NCOA5: variants seen among roughly 807,000 people sequenced by gnomAD.
The protein encoded by NCOA5 is NCoA-5.
Under a neutral mutation model 59.0 loss-of-function variants are expected in NCOA5, and 12 were observed. The observed-to-expected ratio is 0.20, with a 90% CI of 0.13 to 0.33. NCOA5 has a LOEUF of 0.33. Among genes scored for constraint, NCOA5 ranks in the 10% least tolerant of loss-of-function variants. The pLI is 1.00. For missense variants in NCOA5, 655 were observed against 766.6 expected (o/e 0.85, Z 1.72); for synonymous variants, 270 against 275.5 (o/e 0.98, Z 0.20).
At chr20:46,088,671 T>A (rs879793319) in intron 1 of NCOA5, among the ~76,000 whole-genome samples, 1 of 152,248 alleles carries the variant, frequency 6.6e-6, no homozygotes, top group African/African-American at 2.4e-5. Flanking sequence ...TCCCTGGGAC[T>A]AACACTTTTA....
intron 1 of NCOA5, among the ~76,000 whole-genome samples, chr20:46,085,845 C>G (rs1016267776): frequency 1.3e-5 from 2 of 152,012 alleles, no homozygotes; most frequent in Non-Finnish European, 2.9e-5. Flanking sequence ...GCCAAATTAA[C>G]GAAACTTTAT....
chr20:46,075,614 C>G (rs1378586902), intron 2 of NCOA5, among the ~76,000 whole-genome samples: 1 of 152,150 alleles, frequency 6.6e-6, no homozygotes, highest in Non-Finnish European at 1.5e-5. Context: ...TTAAGTCATT[C>G]AGAAGTACAG....
chr20:46,077,538 T>C (rs770179097), intron 2 of NCOA5, among the ~76,000 whole-genome samples: 33 of 152,342 alleles, frequency 2.2e-4, no homozygotes, highest in Non-Finnish European at 4.0e-4. Context: ...TTTGTTGTTG[T>C]TGTTTTTGCC....
chr20:46,070,329 C>T lies in NCOA5; in HGVS notation c.246G>A (p.Arg82=), dbSNP rs2084868565. The change falls in exon 3 of 8, where the codon CGG becomes CGA. Residue 82 remains arginine (R), a synonymous_variant. Transcript: ENST00000290231. ...HRDSRSVRDV[R]DVRDLRDFRD... ...GAAAGTCTCTAAGATCCCTCACGTC[C>T]CGAACGTCGCGCACACTCCTGCTGT... is the stretch of plus-strand genomic sequence containing the variant. 1.2e-6 allele frequency: 2 copies of T among 1,613,750 alleles called. No homozygotes were observed. Among genetic ancestry groups the T allele is most frequent in the Non-Finnish European group, 1.7e-6 (2 of 1,179,976 alleles).
chr20:46,070,081 C>A lies in NCOA5; in HGVS notation c.365+129G>T, dbSNP rs149587988. On this transcript the variant is annotated intron_variant, in intron 3 of 7. Transcript: ENST00000290231. ...CAAAATTTATTGAGCAGCAGCACAT[C>A]TATCACTTGACAGTCACCAGAAATA... 6.4e-4 allele frequency: 452 copies of A among 705,328 alleles called. 1 individual carries two copies. Among genetic ancestry groups the A allele is most frequent in the Non-Finnish European group, 8.8e-4 (378 of 430,396 alleles). 43.7% of individuals were successfully genotyped at this position (705,328 alleles called of 1,614,324 possible).
chr20:46,062,838 G>A lies in NCOA5; in HGVS notation c.1202C>T (p.Thr401Ile). 2 of 1,532,508 alleles carry A rather than the reference G, an allele frequency of 1.3e-6. No individual in the cohort carries two copies. The highest frequency in any genetic ancestry group is 2.1e-5 in the Admixed American group (1 of 47,696). 94.9% of individuals were successfully genotyped at this position (1,532,508 alleles called of 1,614,324 possible). A position where few individuals can be genotyped will look rare whatever the true frequency, so the allele number is the denominator to read the frequency against. Residue 401 changes from threonine to isoleucine, a missense_variant, in exon 8 of 8, where the codon ACA becomes ATA. Around this residue, in one of 3 missense-constraint regions of NCOA5, gnomAD observed 325 missense variants for 353.2 expected, o/e 0.92. Coordinates refer to ENST00000290231, the MANE Select transcript of NCOA5 (RefSeq NM_020967.3). ...CTGGAGCGGTTGGGAGCTTGGCTGT[G>A]TCTTCAGCGAGGCACCCGAGGTCGC... ...LGATSGASLK[T>I]QPSSQPLQSG...
chr20:46,069,572 T>C (rs904544722), intron 3 of NCOA5, among the ~76,000 whole-genome samples: 1 of 152,080 alleles, frequency 6.6e-6, no homozygotes, highest in Non-Finnish European at 1.5e-5. Flanking sequence ...TCCACGTCTA[T>C]ACAAAAAAAT....
intron 1 of NCOA5, among the ~76,000 whole-genome samples, chr20:46,080,343 T>C (rs1041243194): frequency 3.3e-5 from 5 of 152,166 alleles, no homozygotes; most frequent in Admixed American, 2.6e-4. Context: ...TTCATATGAC[T>C]TAAAGCTAAA....
At position 46,082,201 on chromosome 20, in the gene NCOA5, A is replaced by T. The variant is rs2084999079; in HGVS notation, c.-29-2748T>A. On this transcript the variant is annotated intron_variant, in intron 1 of 7. Coordinates refer to ENST00000290231, the MANE Select transcript of NCOA5 (RefSeq NM_020967.3). ...ATGTAGGAAATGACAGAACTGTTTT[A>T]AACCACAAAAGAATGGGGTGAAGAA... 3.3e-5 allele frequency among the ~76,000 whole-genome samples: 5 copies of T among 152,336 alleles called. No homozygotes were observed. The South Asian group carries it at 1.0e-3, about 32-fold the overall frequency.
intron 2 of NCOA5, among the ~76,000 whole-genome samples, chr20:46,070,909 C>T (rs1049378667): frequency 6.6e-6 from 1 of 151,884 alleles, no homozygotes; most frequent in Non-Finnish European, 1.5e-5. Flanking sequence ...AAAAAAAGAG[C>T]GAATGGCACA....
At chr20:46,082,412 A>T (rs369098104) in intron 1 of NCOA5, among the ~76,000 whole-genome samples, 6 of 152,302 alleles carry the variant, frequency 3.9e-5, no homozygotes, top group East Asian at 1.9e-4. Flanking sequence ...CAGATGGGGA[A>T]CTCTGGTTGG....
chr20:46,068,733 A>C (rs1025713622), intron 3 of NCOA5, 95 bp from the exon 4 acceptor site: 3 of 1,230,218 alleles, frequency 2.4e-6, no homozygotes, highest in Middle Eastern at 2.2e-4. Context: ...AATGAGGTTT[A>C]TATCTGGGAC....
chr20:46,087,385 A>T (rs1461926540), intron 1 of NCOA5, among the ~76,000 whole-genome samples: 1 of 152,256 alleles, frequency 6.6e-6, no homozygotes, highest in African/African-American at 2.4e-5. Flanking sequence ...ATAAACATGG[A>T]CTGCTTGCAA....
chr20:46,082,954 G>A (rs1017916723), intron 1 of NCOA5, among the ~76,000 whole-genome samples: 1 of 152,136 alleles, frequency 6.6e-6, no homozygotes, highest in Non-Finnish European at 1.5e-5. Context: ...CTTGGATAAT[G>A]CTATAAATAA....
chr20:46,074,246 A>T (rs528951273), intron 2 of NCOA5, among the ~76,000 whole-genome samples: 19 of 152,322 alleles, frequency 1.2e-4, no homozygotes, highest in African/African-American at 4.3e-4. Flanking sequence ...ACAAGACTAC[A>T]GCTAACAAAA....
intron 6 of NCOA5, among the ~76,000 whole-genome samples, chr20:46,064,116 C>G (rs1337739545): frequency 6.6e-6 from 1 of 152,126 alleles, no homozygotes; most frequent in Admixed American, 6.5e-5. Context: ...TTTTTTAATT[C>G]ATCAGTTCAA....
intron 3 of NCOA5, among the ~76,000 whole-genome samples, chr20:46,069,465 G>A (rs1171346600): frequency 6.6e-6 from 1 of 152,130 alleles, no homozygotes. Flanking sequence ...AATCCACACA[G>A]TGGCTTACAC....
intron 4 of NCOA5, among the ~76,000 whole-genome samples, chr20:46,068,006 C>T (rs1274254775): frequency 6.6e-6 from 1 of 151,908 alleles, no homozygotes; most frequent in African/African-American, 2.4e-5. Context: ...TCATGGCTTG[C>T]TGAGACCTCA....
chr20:46,075,460 G>C (rs998272040), intron 2 of NCOA5, among the ~76,000 whole-genome samples: 2 of 152,126 alleles, frequency 1.3e-5, no homozygotes, highest in Non-Finnish European at 2.9e-5. Context: ...TAAGAAACTT[G>C]TCTACAGCCA....
Sources: allele counts gnomAD v4.1 joint callset (sites outside exome capture counted in the v4.1 genomes callset), GRCh38; gene constraint gnomAD v4.1.1; regional missense constraint gnomAD v4.1.1; transcripts MANE v1.5; gene names NCBI Gene and HGNC (gene_info 2026-07-23, HGNC 2026-07-21).